AKAP13: variants seen among roughly 807,000 people sequenced by gnomAD.
The protein encoded by AKAP13 is A-kinase anchor protein 13.
Under a neutral mutation model 264.5 loss-of-function variants are expected in AKAP13, and 80 were observed. That is an observed-to-expected ratio of 0.30 (90% confidence interval 0.25 to 0.36). The LOEUF (loss-of-function observed/expected upper bound fraction) is 0.36. AKAP13 is among the 10% of genes least tolerant of loss of function. The pLI is 1.00. For missense variants in AKAP13, 3,712 were observed against 3,435.2 expected (o/e 1.08, Z -2.01); for synonymous variants, 1,380 against 1,250.2 (o/e 1.10, Z -2.19).
chr15:85,458,379 A>AT (rs937688611), intron 1 of AKAP13, among the ~76,000 whole-genome samples: 5 of 107,524 alleles, frequency 4.7e-5, no homozygotes, highest in East Asian at 2.8e-4. Context: ...CTTTTTTTGT[A>AT]TTTTTTGTTT....
intron 16 of AKAP13, among the ~76,000 whole-genome samples, chr15:85,690,617 T>C: frequency 6.6e-6 from 1 of 152,194 alleles, no homozygotes; most frequent in Non-Finnish European, 1.5e-5. Flanking sequence ...AACAAAAGAC[T>C]TCACATGAAT....
chr15:85,561,166 T>C (rs1291513438), intron 5 of AKAP13, among the ~76,000 whole-genome samples: 1 of 150,088 alleles, frequency 6.7e-6, no homozygotes, highest in African/African-American at 2.4e-5. Flanking sequence ...CAAGTGATTC[T>C]CCTGCCTCAG....
chr15:85,503,565 G>C (rs2076096152), intron 2 of AKAP13, among the ~76,000 whole-genome samples: 1 of 152,118 alleles, frequency 6.6e-6, no homozygotes, highest in African/African-American at 2.4e-5. Context: ...TGACCTGCTG[G>C]GCTCCGTGAC....
intron 1 of AKAP13, among the ~76,000 whole-genome samples, chr15:85,401,095 C>T (rs1157749595): frequency 6.6e-6 from 1 of 151,958 alleles, no homozygotes; most frequent in Non-Finnish European, 1.5e-5. Context: ...CTCCTGACCT[C>T]AGGTGATCCA....
intron 8 of AKAP13, among the ~76,000 whole-genome samples, chr15:85,586,427 G>A (rs778194178): frequency 2.0e-5 from 3 of 152,028 alleles, no homozygotes; most frequent in Admixed American, 6.5e-5. Context: ...GGCTGTTTTC[G>A]AACTGGCCTC....
chr15:85,736,824 G>C (rs1313001043), intron 33 of AKAP13, among the ~76,000 whole-genome samples: 1 of 151,668 alleles, frequency 6.6e-6, no homozygotes, highest in African/African-American at 2.4e-5. Context: ...GATACTAAGA[G>C]CCACAGGTCT....
chr15:85,415,477 A>C, intron 1 of AKAP13: 1 of 1,582,780 alleles, frequency 6.3e-7, no homozygotes, highest in Non-Finnish European at 8.6e-7. Context: ...AGAAAAACTC[A>C]GACTGTGTGC....
chr15:85,594,803 C>T (rs559341944), intron 8 of AKAP13, among the ~76,000 whole-genome samples: 102 of 152,228 alleles, frequency 6.7e-4, no homozygotes, highest in African/African-American at 2.4e-3. Context: ...TTAGATATTC[C>T]ATATTAGGTT....
chr15:85,580,599 C>A lies in AKAP13; in HGVS notation c.2531C>A (p.Ala844Glu). 6.2e-7 allele frequency: 1 copy of A among 1,614,196 alleles called. No individual in the cohort carries two copies. Among genetic ancestry groups the A allele is most frequent in the Non-Finnish European group, 8.5e-7 (1 of 1,180,032 alleles). ...EPDTRPLEDR[A>E]VGLSTSSTAA... ...GATACGCGGCCACTAGAAGACAGGGCAGTAGGCCTGTCCACATCCTCCACT... is the reference window on the plus strand; with the variant it reads ...GATACGCGGCCACTAGAAGACAGGGAAGTAGGCCTGTCCACATCCTCCACT... The change falls in exon 7 of 37, where the codon GCA becomes GAA. Residue 844 changes from alanine to glutamate, a missense_variant. By Grantham distance (107) the Ala-to-Glu change is moderately radical. Coordinates refer to ENST00000394518, the MANE Select transcript of AKAP13 (RefSeq NM_007200.5).
intron 1 of AKAP13, among the ~76,000 whole-genome samples, chr15:85,465,579 C>G (rs1192042073): frequency 1.4e-5 from 2 of 146,366 alleles, no homozygotes; most frequent in East Asian, 4.1e-4. Flanking sequence ...TCAGTTCCCA[C>G]CTATGAGTGA....
At chr15:85,609,250 AC>A (rs927926214) in intron 8 of AKAP13, among the ~76,000 whole-genome samples, 2 of 151,924 alleles carry the variant, frequency 1.3e-5, no homozygotes, top group Non-Finnish European at 2.9e-5. Flanking sequence ...CCATTGACCA[AC>A]CTCTCCCCAT....
chr15:85,442,729 A>G (rs2073753610), intron 1 of AKAP13, among the ~76,000 whole-genome samples: 1 of 151,626 alleles, frequency 6.6e-6, no homozygotes, highest in African/African-American at 2.4e-5. Flanking sequence ...TTGGCTCAGC[A>G]ACACTTTTAA....
At chr15:85,613,181 A>C (rs1251732686) in intron 8 of AKAP13, among the ~76,000 whole-genome samples, 1 of 152,246 alleles carries the variant, frequency 6.6e-6, no homozygotes, top group Non-Finnish European at 1.5e-5. Flanking sequence ...ATAAATGGTT[A>C]TCAAACAGTA....
chr15:85,582,979 C>G (rs765806079), intron 7 of AKAP13: 1 of 985,380 alleles, frequency 1.0e-6, no homozygotes. Flanking sequence ...GCTATTGCTC[C>G]GTGGAAATAA....
chr15:85,415,696 GC>G, intron 1 of AKAP13: 1 of 858,218 alleles, frequency 1.2e-6, no homozygotes. Flanking sequence ...AGTTCAATGA[GC>G]AAATCTCCAT....
chr15:85,568,093 G>A (rs757512210), intron 5 of AKAP13, among the ~76,000 whole-genome samples: 13 of 151,962 alleles, frequency 8.6e-5, no homozygotes, highest in Non-Finnish European at 1.8e-4. Flanking sequence ...TTAAGTCCAG[G>A]AGTTCACGAC....
intron 1 of AKAP13, among the ~76,000 whole-genome samples, chr15:85,479,675 C>G (rs2075290833): frequency 6.6e-6 from 1 of 152,082 alleles, no homozygotes; most frequent in Non-Finnish European, 1.5e-5. Context: ...ACAGCTGGTC[C>G]TTAGAAAATA....
At chr15:85,392,959 A>T (rs1183793193) in intron 1 of AKAP13, among the ~76,000 whole-genome samples, 1 of 152,174 alleles carries the variant, frequency 6.6e-6, no homozygotes, top group East Asian at 1.9e-4. Context: ...AAGGTGGTGG[A>T]TATGACAGGG....
chr15:85,518,745 C>G (rs866126412), intron 2 of AKAP13, among the ~76,000 whole-genome samples: 1 of 152,182 alleles, frequency 6.6e-6, no homozygotes, highest in Non-Finnish European at 1.5e-5. Flanking sequence ...GGGAGGATCA[C>G]TTGAGTCCTG....
Sources: gnomAD v4.1 joint callset for allele counts (sites outside exome capture counted in the v4.1 genomes callset) on GRCh38, gnomAD v4.1.1 for gene constraint, MANE v1.5 for transcripts, NCBI Gene and HGNC (gene_info 2026-07-23, HGNC 2026-07-21) for gene names.